RAB2B: variants seen among roughly 807,000 people sequenced by gnomAD.
RAB2B encodes the protein ras-related protein Rab-2B.
A neutral mutation model predicts 29.8 loss-of-function variants in RAB2B; 20 were observed. The observed-to-expected ratio is 0.67, with a 90% confidence interval of 0.47 to 0.97. The LOEUF (loss-of-function observed/expected upper bound fraction) is 0.97, where lower values mean the gene tolerates loss of function less well. RAB2B is among the 50% of genes least tolerant of loss of function. The probability of loss-of-function intolerance (pLI) is 0.00; values close to 1 mark genes in which losing one functional copy is unlikely to be tolerated. For synonymous variants in RAB2B, 93 were observed against 91.7 expected, an observed-to-expected ratio of 1.01 and a Z score of -0.08; for missense variants, 218 against 272.0, an observed-to-expected ratio of 0.80 and a Z score of 1.40.
At chr14:21,463,399 G>A (rs566185562) in intron 6 of RAB2B, among the ~76,000 whole-genome samples, 1 of 151,722 alleles carries the variant, frequency 6.6e-6, no homozygotes, top group East Asian at 1.9e-4. Context: ...GACACACGCC[G>A]CCATGACCAG....
At position 21,459,624 on chromosome 14, in the gene RAB2B, AAC is replaced by A. The variant is rs1322605138; in HGVS notation, c.*1570_*1571del. 1 of 152,304 alleles carries A rather than the reference AAC, an allele frequency of 6.6e-6. No homozygotes were observed. Among genetic ancestry groups the A allele is most frequent in the African/African-American group, 2.4e-5 (1 of 41,474 alleles). The allele number at this position is 152,304 out of a possible 1,614,324, so 9.4% of individuals were successfully genotyped here. The stretch of plus-strand genomic sequence containing the variant: ...CAACTGCAAACCATATTTACATAGT[AAC>A]ATACATAAAAATAAATATACATATA... On this transcript the variant is annotated 3_prime_UTR_variant, in exon 8 of 8. Coordinates refer to ENST00000397762, the MANE Select transcript of RAB2B (RefSeq NM_032846.4).
At chr14:21,472,821 TAA>T (rs61115443) in intron 3 of RAB2B, among the ~76,000 whole-genome samples, 16 of 130,976 alleles carry the variant, frequency 1.2e-4, no homozygotes, top group East Asian at 2.2e-4. Flanking sequence ...TATGAGTGCT[TAA>T]AAAAAAAAAA....
At chr14:21,472,674 G>A (rs946246707) in intron 3 of RAB2B, among the ~76,000 whole-genome samples, 2 of 152,156 alleles carry the variant, frequency 1.3e-5, no homozygotes, top group Admixed American at 1.3e-4. Context: ...AGGCCAGTTG[G>A]ATGACCATGT....
intron 4 of RAB2B, 37 bp from the exon 5 acceptor site, chr14:21,468,486 C>T (rs756391963): frequency 2.5e-5 from 40 of 1,586,824 alleles, no homozygotes; most frequent in Non-Finnish European, 3.3e-5. Context: ...GTCAGAGACA[C>T]ATTTCAAAAG....
At chr14:21,469,071 C>T (rs751341811) in intron 3 of RAB2B, among the ~76,000 whole-genome samples, 18 of 150,446 alleles carry the variant, frequency 1.2e-4, no homozygotes, top group Non-Finnish European at 2.1e-4. Flanking sequence ...ACGATAAAGA[C>T]GATGAAGACA....
chr14:21,459,614 T>C lies in RAB2B; in HGVS notation c.*1582A>G, dbSNP rs1890491398. 1 of 152,202 alleles carries C rather than the reference T, an allele frequency of 6.6e-6. No individual in the cohort carries two copies. The highest frequency in any genetic ancestry group is 6.5e-5 in the Admixed American group (1 of 15,270). The allele number at this position is 152,202 out of a possible 1,614,324, so 9.4% of individuals were successfully genotyped here. Reference sequence around the variant, plus strand: ...CACACAAAAACAACTGCAAACCATATTTACATAGTAACATACATAAAAATA... The same window carrying C: ...CACACAAAAACAACTGCAAACCATACTTACATAGTAACATACATAAAAATA... On this transcript the variant is annotated 3_prime_UTR_variant, in exon 8 of 8. Coordinates refer to ENST00000397762, the MANE Select transcript of RAB2B (RefSeq NM_032846.4).
At chr14:21,462,136 T>C (rs1267391953) in intron 7 of RAB2B, among the ~76,000 whole-genome samples, 2 of 151,920 alleles carry the variant, frequency 1.3e-5, no homozygotes, top group Admixed American at 1.3e-4. Flanking sequence ...ATAATCTCTT[T>C]AAGCATTCTG....
intron 5 of RAB2B, among the ~76,000 whole-genome samples, chr14:21,464,974 G>C (rs1288800532): frequency 2.0e-5 from 3 of 151,980 alleles, no homozygotes; most frequent in African/African-American, 7.3e-5. Flanking sequence ...ACTCCAGCCT[G>C]GGCAACAGCA....
At chr14:21,462,223 G>GGA (rs1890573042) in intron 7 of RAB2B, 127 bp downstream of exon 7, 1 of 549,766 alleles carries the variant, frequency 1.8e-6, no homozygotes, top group Non-Finnish European at 2.8e-6. Context: ...AAAAAAAAGT[G>GGA]TTGAATTGGC....
Position 21,468,623 on chromosome 14 carries a change from G to C in RAB2B, c.269+47C>G, listed in dbSNP as rs201075308. 8.7e-6 allele frequency: 12 copies of C among 1,376,942 alleles called. No homozygotes were observed. The East Asian group carries it at 2.1e-4, about 24-fold the overall frequency. 85.3% of individuals were successfully genotyped at this position (1,376,942 alleles called of 1,614,324 possible). A position where few individuals can be genotyped will look rare whatever the true frequency, so the allele number is the denominator to read the frequency against. On this transcript the variant is annotated intron_variant, in intron 4 of 7. Transcript: ENST00000397762. ...AGATAGAAAAAAAAAAAAAGCTTTA[G>C]AGGATTTAGGGAAGAATCTCCCTCC...
intron 3 of RAB2B, among the ~76,000 whole-genome samples, chr14:21,469,947 T>C (rs1052619052): frequency 1.5e-5 from 2 of 136,170 alleles, no homozygotes; most frequent in Non-Finnish European, 3.1e-5. Flanking sequence ...TATTATTCCC[T>C]TTTTTTTTTT....
At chr14:21,462,668 C>T (rs1351330238) in intron 6 of RAB2B, among the ~76,000 whole-genome samples, 2 of 151,578 alleles carry the variant, frequency 1.3e-5, no homozygotes, top group African/African-American at 4.9e-5. Context: ...GGTGAAATCC[C>T]GTCTCCACTA....
rs1890505065 is a variant in RAB2B, at chr14:21,460,113, C to T, written c.*1083G>A. On this transcript the variant is annotated 3_prime_UTR_variant, in exon 8 of 8. Transcript: ENST00000397762. ...GGCAAGTAGAGGAAACTGCCTTCTA[C>T]AAGAATTCTTAGGAAGTGGCAAGCA... 2 of 517,114 alleles carry T rather than the reference C, an allele frequency of 3.9e-6. No individual in the cohort carries two copies. Among genetic ancestry groups the T allele is most frequent in the South Asian group, 1.4e-5 (1 of 71,488 alleles). 32.0% of individuals were successfully genotyped at this position (517,114 alleles called of 1,614,324 possible).
rs1418993007 is a variant in RAB2B, at chr14:21,468,368, A to C, written c.351T>G (p.Ile117Met). The C allele has an allele frequency of 6.2e-7, 1 of 1,613,352 alleles. No individual in the cohort carries two copies. The highest frequency in any genetic ancestry group is 8.5e-7 in the Non-Finnish European group (1 of 1,179,396). ...GGATACAATTTTACCTCTTATTCCC[A>C]ATGAGCATGATAACCATGTTGGAAC... ...HSSSNMVIML[I>M]GNKSDLESRR... is the part of the protein sequence containing the mutation. Residue 117 changes from isoleucine (I) to methionine (M), a missense_variant, in exon 5 of 8, where the codon ATT (isoleucine) becomes ATG (methionine). Coordinates refer to ENST00000397762, the MANE Select transcript of RAB2B (RefSeq NM_032846.4).
At chr14:21,476,464 T>C in intron 2 of RAB2B, 64 bp downstream of exon 2, 1 of 1,590,754 alleles carries the variant, frequency 6.3e-7, no homozygotes, top group Middle Eastern at 1.7e-4. Context: ...CTGCTAACTT[T>C]CCACTTTAGC....
intron 7 of RAB2B, 151 bp downstream of exon 7, chr14:21,462,199 A>C (rs897250008): frequency 3.6e-6 from 2 of 552,596 alleles, no homozygotes; most frequent in African/African-American, 4.6e-5. Context: ...GTGTACCTAG[A>C]TTTAAAAAAA....
chr14:21,465,893 G>GT (rs1890674069), intron 5 of RAB2B, among the ~76,000 whole-genome samples: 1 of 150,654 alleles, frequency 6.6e-6, no homozygotes, highest in South Asian at 2.1e-4. Context: ...TGTATAGTTT[G>GT]TTCCCCCCAA....
intron 5 of RAB2B, among the ~76,000 whole-genome samples, chr14:21,467,098 G>A (rs1456646089): frequency 6.6e-6 from 1 of 151,764 alleles, no homozygotes; most frequent in Non-Finnish European, 1.5e-5. Flanking sequence ...CAGTACAGAC[G>A]GGGTTTCACC....
chr14:21,468,566 C>T (rs1890736958), intron 4 of RAB2B, 104 bp downstream of exon 4: 3 of 1,230,840 alleles, frequency 2.4e-6, no homozygotes, highest in East Asian at 4.7e-5. Flanking sequence ...TTAGAGAGGC[C>T]ATTCCTAGTT....
Sources: gnomAD v4.1 joint callset for allele counts (sites outside exome capture counted in the v4.1 genomes callset) on GRCh38, gnomAD v4.1.1 for gene constraint, MANE v1.5 for transcripts, NCBI Gene and HGNC (gene_info 2026-07-23, HGNC 2026-07-21) for gene names.